MTA3: variants seen among roughly 807,000 people sequenced by gnomAD.
MTA3 encodes the protein metastasis-associated protein MTA3.
MTA3 carries 34 observed loss-of-function variants against 83.5 expected under a neutral mutation model. The ratio of observed to expected loss-of-function variants is 0.41; its 90% confidence interval spans 0.31 to 0.54. The LOEUF is 0.54. MTA3 is among the 20% of genes least tolerant of loss of function. MTA3 has a pLI of 0.33. For synonymous variants in MTA3, 303 were observed against 252.7 expected (o/e 1.20, Z -1.89); for missense variants, 761 against 726.4 (o/e 1.05, Z -0.55).
chr2:42,576,839 G>T (rs1009035843), intron 2 of MTA3, among the ~76,000 whole-genome samples: 17 of 152,160 alleles, frequency 1.1e-4, no homozygotes, highest in African/African-American at 4.1e-4. Context: ...GGAAGTTGCA[G>T]TGAGCTGAGA....
intron 3 of MTA3, among the ~76,000 whole-genome samples, chr2:42,589,043 C>T (rs1680667329): frequency 6.6e-6 from 1 of 151,982 alleles, no homozygotes; most frequent in Admixed American, 6.6e-5. Context: ...TTCTTAACTT[C>T]GAGTCAGCTG....
At chr2:42,625,426 T>A (rs1235447824) in intron 4 of MTA3, among the ~76,000 whole-genome samples, 1 of 151,670 alleles carries the variant, frequency 6.6e-6, no homozygotes, top group Non-Finnish European at 1.5e-5. Context: ...TCTAGTGATA[T>A]TTTAATTTTG....
At chr2:42,748,286 C>A (rs1288021535) in intron 16 of MTA3, among the ~76,000 whole-genome samples, 1 of 147,600 alleles carries the variant, frequency 6.8e-6, no homozygotes, top group Non-Finnish European at 1.5e-5. Flanking sequence ...GGATGGTTTC[C>A]ATCTCCTGAC....
At chr2:42,593,208 C>T (rs937258569) in intron 3 of MTA3, among the ~76,000 whole-genome samples, 10 of 151,174 alleles carry the variant, frequency 6.6e-5, no homozygotes, top group African/African-American at 2.4e-4. Flanking sequence ...GTATATTGGC[C>T]AGGTGCAGTG....
At chr2:42,612,415 C>G (rs1365263506) in intron 4 of MTA3, among the ~76,000 whole-genome samples, 1 of 152,096 alleles carries the variant, frequency 6.6e-6, no homozygotes, top group East Asian at 1.9e-4. Context: ...GGTGTCTTGC[C>G]ATGGTGGCCA....
intron 16 of MTA3, among the ~76,000 whole-genome samples, chr2:42,750,349 C>T (rs1573854237): frequency 6.6e-6 from 1 of 151,206 alleles, no homozygotes; most frequent in Non-Finnish European, 1.5e-5. Flanking sequence ...CCAATTTGTA[C>T]TCTTCTGTTG....
At chr2:42,674,824 C>G (rs950572030) in intron 8 of MTA3, among the ~76,000 whole-genome samples, 1 of 151,750 alleles carries the variant, frequency 6.6e-6, no homozygotes, top group Non-Finnish European at 1.5e-5. Flanking sequence ...GTCTTGATCT[C>G]TTGACCTCGT....
intron 16 of MTA3, among the ~76,000 whole-genome samples, chr2:42,733,970 C>T (rs1409297620): frequency 6.6e-6 from 1 of 152,152 alleles, no homozygotes; most frequent in Non-Finnish European, 1.5e-5. Flanking sequence ...GTCCTATGAT[C>T]CACATGCTAA....
rs921725869 is a variant in MTA3, at chr2:42,556,051, G to A, written c.-140-14386G>A. On this transcript the variant is annotated intron_variant, in intron 2 of 17. Transcript: ENST00000405592. ...AGTGCCGCTGCATTCCAGCCTGGGCGACAGAGCGAGACTCTGTCTCAAAAA... is the reference window on the plus strand; with the variant it reads ...AGTGCCGCTGCATTCCAGCCTGGGCAACAGAGCGAGACTCTGTCTCAAAAA... Among the ~76,000 whole-genome samples the A allele has an allele frequency of 5.4e-5, 8 of 149,372 alleles. No individual in the cohort carries two copies. The East Asian group carries it at 5.9e-4, about 11-fold the overall frequency.
chr2:42,674,901 A>C (rs1456716183), intron 8 of MTA3, among the ~76,000 whole-genome samples: 1 of 150,582 alleles, frequency 6.6e-6, no homozygotes, highest in Non-Finnish European at 1.5e-5. Context: ...CGCCTGGCCT[A>C]GTTTTCTTTC....
At chr2:42,711,441 T>C (rs1666602431) in intron 14 of MTA3, among the ~76,000 whole-genome samples, 2 of 152,256 alleles carry the variant, frequency 1.3e-5, no homozygotes, top group African/African-American at 4.8e-5. Flanking sequence ...AGCAGTCGTC[T>C]ATCTGGATGA....
chr2:42,559,160 T>C (rs1447611465), intron 2 of MTA3, among the ~76,000 whole-genome samples: 1 of 152,202 alleles, frequency 6.6e-6, no homozygotes, highest in African/African-American at 2.4e-5. Context: ...TCCAGTTGTC[T>C]ATCTAATATT....
At chr2:42,552,436 A>G (rs916542319) in intron 2 of MTA3, among the ~76,000 whole-genome samples, 3 of 152,160 alleles carry the variant, frequency 2.0e-5, no homozygotes, top group African/African-American at 7.2e-5. Flanking sequence ...TCTCACTTGG[A>G]CTATTGAAAA....
chr2:42,716,407 G>C (rs954994428), intron 14 of MTA3, among the ~76,000 whole-genome samples: 1 of 152,154 alleles, frequency 6.6e-6, no homozygotes, highest in African/African-American at 2.4e-5. Context: ...GGGGTTTGTT[G>C]TACAGATTAT....
At chr2:42,536,761 A>C (rs564249009) in intron 2 of MTA3, among the ~76,000 whole-genome samples, 1 of 148,460 alleles carries the variant, frequency 6.7e-6, no homozygotes, top group African/African-American at 2.5e-5. Flanking sequence ...CAGGAGGCTG[A>C]GGCAGGAGAA....
chr2:42,538,661 T>C (rs1470157617), intron 2 of MTA3, among the ~76,000 whole-genome samples: 1 of 142,972 alleles, frequency 7.0e-6, no homozygotes, highest in Non-Finnish European at 1.5e-5. Flanking sequence ...TGAGCCCAGA[T>C]CGTGCCACTG....
rs116684907 is a variant in MTA3 at position 42,634,471 on chromosome 2, G to A, written c.318-5702G>A. On this transcript the variant is annotated intron_variant, in intron 4 of 16. Transcript: ENST00000405094. ...TTGGCAGCAGGCGAGAGAAGGAGAA[G>A]GAGGAACTGTCAAACATGTATAAAA... Among the ~76,000 whole-genome samples, 280 of 152,180 alleles carry A rather than the reference G, an allele frequency of 1.8e-3. 2 individuals are homozygous for A. The highest frequency in any genetic ancestry group is 6.4e-3 in the African/African-American group (266 of 41,528).
intron 3 of MTA3, among the ~76,000 whole-genome samples, chr2:42,600,771 C>T (rs1327907675): frequency 2.6e-5 from 4 of 152,136 alleles, no homozygotes; most frequent in African/African-American, 9.7e-5. Flanking sequence ...GAACTCCGGA[C>T]CTCAGCTGAT....
At chr2:42,672,399 C>G (rs1378227287) in intron 8 of MTA3, among the ~76,000 whole-genome samples, 1 of 150,596 alleles carries the variant, frequency 6.6e-6, no homozygotes, top group Admixed American at 6.6e-5. Flanking sequence ...TCCTAGCACT[C>G]TGGGAGGCCG....
Sources: allele counts gnomAD v4.1 joint callset (sites outside exome capture counted in the v4.1 genomes callset), GRCh38; gene constraint gnomAD v4.1.1; transcripts MANE v1.5; gene names NCBI Gene and HGNC (gene_info 2026-07-23, HGNC 2026-07-21).